RGS5: variants seen among roughly 807,000 people sequenced by gnomAD.
RGS5 encodes the protein regulator of G-protein signalling 5.
A neutral mutation model predicts 18.9 loss-of-function variants in RGS5; 20 were observed. That is an observed-to-expected ratio of 1.06 (90% confidence interval 0.74 to 1.54). The LOEUF is 1.54. Ranked by LOEUF, RGS5 falls within the 40% of genes most tolerant of loss-of-function variation. RGS5 has a pLI of 0.00. For synonymous variants in RGS5, 57 were observed against 76.2 expected (o/e 0.75, Z 1.31); for missense variants, 201 against 211.8 (o/e 0.95, Z 0.32).
intron 2 of RGS5, among the ~76,000 whole-genome samples, chr1:163,250,389 T>C (rs1291599366): frequency 8.5e-5 from 13 of 152,222 alleles, no homozygotes. Context: ...ATTATGAATA[T>C]TGTCTCAAAT....
At chr1:163,262,426 C>T (rs1388081999) in intron 2 of RGS5, among the ~76,000 whole-genome samples, 2 of 72,984 alleles carry the variant, frequency 2.7e-5, no homozygotes, top group African/African-American at 5.3e-5. Flanking sequence ...TTTGTTCTTG[C>T]AATAGTTTAC....
chr1:163,151,391 G>A (rs766609237), intron 4 of RGS5, among the ~76,000 whole-genome samples: 13 of 152,096 alleles, frequency 8.5e-5, no homozygotes, highest in Non-Finnish European at 1.5e-4. Context: ...AATGGGAATG[G>A]AAAGAAAAAC....
At chr1:163,306,457 G>A (rs1277129763) in intron 1 of RGS5, 1 of 152,194 alleles carries the variant, frequency 6.6e-6, no homozygotes, top group Admixed American at 6.5e-5. Flanking sequence ...ATTTTGTTCT[G>A]AGGCAAGCTG....
intron 2 of RGS5, among the ~76,000 whole-genome samples, chr1:163,301,515 C>T (rs1557935927): frequency 6.6e-6 from 1 of 152,026 alleles, no homozygotes; most frequent in Non-Finnish European, 1.5e-5. Context: ...GTATTTTTTG[C>T]AGTGATAGGG....
chr1:163,187,937 A>G (rs1041876889), intron 1 of RGS5, among the ~76,000 whole-genome samples: 6 of 152,058 alleles, frequency 3.9e-5, no homozygotes, highest in Non-Finnish European at 8.8e-5. Context: ...ATTTGATGTT[A>G]TCTCTGCATA....
At chr1:163,200,544 T>TC (rs1476673005) in intron 1 of RGS5, among the ~76,000 whole-genome samples, 1 of 152,112 alleles carries the variant, frequency 6.6e-6, no homozygotes, top group Non-Finnish European at 1.5e-5. Context: ...AGTGTCATTT[T>TC]CCCCTTAGAA....
intron 2 of RGS5, among the ~76,000 whole-genome samples, chr1:163,293,341 T>C (rs1195573198): frequency 6.6e-6 from 1 of 152,126 alleles, no homozygotes; most frequent in East Asian, 1.9e-4. Context: ...TTCCAGAAGA[T>C]GAAGGAGAAG....
intron 1 of RGS5, among the ~76,000 whole-genome samples, chr1:163,317,192 C>T (rs1043485565): frequency 1.3e-5 from 2 of 152,134 alleles, no homozygotes; most frequent in African/African-American, 4.8e-5. Context: ...AGTGAGTCTG[C>T]CTCTGTGTTA....
At chr1:163,155,518 G>T (rs1443850162) in intron 3 of RGS5, among the ~76,000 whole-genome samples, 1 of 151,994 alleles carries the variant, frequency 6.6e-6, no homozygotes, top group East Asian at 1.9e-4. Flanking sequence ...TGGCTTTTGG[G>T]CACTCTCTAG....
upstream of RGS5, among the ~76,000 whole-genome samples, chr1:163,204,309 CCACACACACACACACACACA>C (rs10616125): frequency 8.3e-5 from 12 of 145,002 alleles, no homozygotes; most frequent in African/African-American, 2.8e-4. Flanking sequence ...TGGCTCTAAA[CCACACACACACACACACACA>C]CACACACACA....
intron 2 of RGS5, among the ~76,000 whole-genome samples, chr1:163,262,931 T>C (rs138528847): frequency 1.3e-5 from 2 of 152,278 alleles, no homozygotes; most frequent in Non-Finnish European, 2.9e-5. Context: ...ATTTGAGTAG[T>C]GGTAAATTCT....
intron 2 of RGS5, among the ~76,000 whole-genome samples, chr1:163,261,371 T>C (rs1648429559): frequency 6.6e-6 from 1 of 152,138 alleles, no homozygotes; most frequent in South Asian, 2.1e-4. Context: ...TTTTCAGCCA[T>C]CTCCTAAAGA....
At chr1:163,298,517 C>CTA (rs1310671578) in intron 2 of RGS5, among the ~76,000 whole-genome samples, 1 of 151,954 alleles carries the variant, frequency 6.6e-6, no homozygotes, top group Non-Finnish European at 1.5e-5. Flanking sequence ...GGTGTCTATA[C>CTA]AAGTTGCAGG....
intron 2 of RGS5, among the ~76,000 whole-genome samples, chr1:163,257,849 A>G (rs915611596): frequency 6.6e-6 from 1 of 152,172 alleles, no homozygotes; most frequent in Non-Finnish European, 1.5e-5. Context: ...TAATACTTGT[A>G]TATTCCAGCT....
intron 3 of RGS5, among the ~76,000 whole-genome samples, chr1:163,154,966 T>C (rs1219528289): frequency 6.6e-6 from 1 of 151,720 alleles, no homozygotes; most frequent in Non-Finnish European, 1.5e-5. Flanking sequence ...TATGTATATA[T>C]GTATATGTAT....
intron 1 of RGS5, among the ~76,000 whole-genome samples, chr1:163,314,851 T>A (rs753242220): frequency 6.6e-6 from 1 of 152,140 alleles, no homozygotes; most frequent in African/African-American, 2.4e-5. Flanking sequence ...ATGCCATGTA[T>A]GAACCAGAAA....
intron 2 of RGS5, 148 bp downstream of exon 2, chr1:163,168,110 G>C: frequency 3.7e-6 from 2 of 543,302 alleles, no homozygotes; most frequent in East Asian, 5.6e-5. Context: ...AAAAAAAAGA[G>C]CTTCTTTGCA....
At chr1:163,205,128 G>A (rs549057793), upstream of RGS5, among the ~76,000 whole-genome samples, 3 of 152,120 alleles carry the variant, frequency 2.0e-5, no homozygotes, top group East Asian at 3.9e-4. Context: ...TGCTCTAGAG[G>A]CAGAAAGTAA....
intron 2 of RGS5, among the ~76,000 whole-genome samples, chr1:163,305,681 A>G (rs566825251): frequency 6.6e-6 from 1 of 152,318 alleles, no homozygotes; most frequent in South Asian, 2.1e-4. Flanking sequence ...TTCATGCTCC[A>G]CTGTACTCCA....
Sources: allele counts gnomAD v4.1 joint callset (sites outside exome capture counted in the v4.1 genomes callset), GRCh38; gene constraint gnomAD v4.1.1; transcripts MANE v1.5; gene names NCBI Gene and HGNC (gene_info 2026-07-23, HGNC 2026-07-21).